The following KAZN variants were observed in gnomAD, a reference collection of about 807,000 sequenced individuals.
KAZN encodes the protein kazrin, periplakin interacting protein.
Under a neutral mutation model 87.4 loss-of-function variants are expected in KAZN, and 40 were observed. That is an observed-to-expected ratio of 0.46 (90% CI 0.36 to 0.60). The LOEUF is 0.60. Among genes scored for constraint, KAZN ranks in the 20% least tolerant of loss-of-function variants. KAZN has a pLI of 0.00. For missense variants in KAZN, 898 were observed against 1,073.9 expected, an observed-to-expected ratio of 0.84 and a Z score of 2.29; for synonymous variants, 466 against 458.3, an observed-to-expected ratio of 1.02 and a Z score of -0.22.
chr1:14,013,643 T>G (rs897444148), intron 1 of KAZN, among the ~76,000 whole-genome samples: 2 of 152,200 alleles, frequency 1.3e-5, no homozygotes, highest in Non-Finnish European at 2.9e-5. Flanking sequence ...AATATGGGAC[T>G]TTAGTACCAG....
At chr1:14,514,384 AT>A (rs1270149402) in intron 2 of KAZN, among the ~76,000 whole-genome samples, 1 of 22,016 alleles carries the variant, frequency 4.5e-5, no homozygotes, top group African/African-American at 1.8e-4. Flanking sequence ...TAATATATAT[AT>A]ATTATATATA....
intron 2 of KAZN, among the ~76,000 whole-genome samples, chr1:14,466,482 T>TG (rs1407156718): frequency 1.3e-5 from 2 of 151,784 alleles, no homozygotes; most frequent in African/African-American, 2.4e-5. Context: ...CAACACACAC[T>TG]GGGGCCTCTC....
intron 2 of KAZN, among the ~76,000 whole-genome samples, chr1:14,523,888 G>T (rs1321847986): frequency 6.6e-6 from 1 of 152,250 alleles, no homozygotes; most frequent in African/African-American, 2.4e-5. Context: ...AGACACATGA[G>T]ATGGAATAAA....
chr1:14,141,428 C>CT (rs570061002), intron 1 of KAZN, among the ~76,000 whole-genome samples: 171 of 151,814 alleles, frequency 1.1e-3, no homozygotes, highest in African/African-American at 3.6e-3. Context: ...CCATAGGTTT[C>CT]TTCGGGGGGT....
chr1:14,527,538 G>C (rs1355276579), intron 2 of KAZN, among the ~76,000 whole-genome samples: 1 of 134,064 alleles, frequency 7.5e-6, no homozygotes, highest in Non-Finnish European at 1.6e-5. Flanking sequence ...AACAGAGTGA[G>C]ACTCTGTCTC....
At chr1:14,713,878 C>T (rs1642636557) in intron 1 of KAZN, among the ~76,000 whole-genome samples, 1 of 151,682 alleles carries the variant, frequency 6.6e-6, no homozygotes, top group Non-Finnish European at 1.5e-5. Context: ...ATCGCTTGAG[C>T]CCAGGAGATG....
At chr1:15,048,781 T>TCCTGGGTCGTC (rs1673942965) in intron 4 of KAZN, among the ~76,000 whole-genome samples, 1 of 141,608 alleles carries the variant, frequency 7.1e-6, no homozygotes, top group Non-Finnish European at 1.5e-5. Context: ...CCTGGGTCGT[T>TCCTGGGTCGTC]GATCCTTGGT....
chr1:15,094,427 T>G lies in KAZN; in HGVS notation c.1428+42T>G. On this transcript the variant is annotated intron_variant, in intron 9 of 14. Transcript: ENST00000376030. This position sits in a 1 kb window ranked among gnomAD's most constrained non-coding sequence, Gnocchi z 4.5. ...CCCCTATGGGATGCCACCCATGCCCTCTGTGAGCTTTACGTACCCAGAAGC... is the reference window on the plus strand; with the variant it reads ...CCCCTATGGGATGCCACCCATGCCCGCTGTGAGCTTTACGTACCCAGAAGC... 2 of 1,554,296 alleles carry G rather than the reference T, an allele frequency of 1.3e-6. No homozygotes were observed. The highest frequency in any genetic ancestry group is 1.8e-6 in the Non-Finnish European group (2 of 1,141,208).
intron 2 of KAZN, among the ~76,000 whole-genome samples, chr1:14,964,198 C>A (rs1244355326): frequency 6.6e-6 from 1 of 152,144 alleles, no homozygotes; most frequent in Admixed American, 6.5e-5. Context: ...AGCTTGGATA[C>A]ATTCTTTAAC....
rs116726086 is a variant in KAZN at position 14,224,180 on chromosome 1, C to T, written c.249+43588C>T. On this transcript the variant is annotated intron_variant, in intron 2 of 16. Transcript: ENST00000636203. ...TTTATGTGAAAGTCAGTAGTTATTT[C>T]GGTGTAATGCCCAGGATGCACATGA... Among the ~76,000 whole-genome samples, 901 of 152,156 alleles carry T rather than the reference C, an allele frequency of 5.9e-3. 9 individuals carry two copies. The highest frequency in any genetic ancestry group is 0.02 in the African/African-American group (847 of 41,522).
At chr1:14,133,867 T>C (rs1044982460) in intron 1 of KAZN, among the ~76,000 whole-genome samples, 3 of 152,152 alleles carry the variant, frequency 2.0e-5, no homozygotes, top group African/African-American at 7.2e-5. Context: ...AAGAAAAGCA[T>C]GAGATGACCA....
intron 2 of KAZN, among the ~76,000 whole-genome samples, chr1:14,275,400 G>A (rs1652265304): frequency 6.7e-6 from 1 of 149,994 alleles, no homozygotes; most frequent in Non-Finnish European, 1.5e-5. Context: ...AAGCCCTCCA[G>A]GTAATTCTGA....
At chr1:14,316,450 C>A (rs1407012857) in intron 2 of KAZN, among the ~76,000 whole-genome samples, 2 of 151,872 alleles carry the variant, frequency 1.3e-5, no homozygotes, top group Middle Eastern at 3.4e-3. Context: ...TGTCTTCTCC[C>A]TTTGTTACTT....
intron 1 of KAZN, among the ~76,000 whole-genome samples, chr1:13,972,719 G>A (rs1267915115): frequency 6.6e-6 from 1 of 152,194 alleles, no homozygotes; most frequent in African/African-American, 2.4e-5. Context: ...CAGACTGGCT[G>A]TATTTAAAGA....
At chr1:14,043,302 T>C (rs185218563) in intron 1 of KAZN, among the ~76,000 whole-genome samples, 16 of 152,336 alleles carry the variant, frequency 1.1e-4, no homozygotes, top group Admixed American at 1.0e-3. Flanking sequence ...CAATTATGCT[T>C]GTATATATAG....
intron 1 of KAZN, among the ~76,000 whole-genome samples, chr1:14,946,720 C>A (rs1354157080): frequency 6.6e-6 from 1 of 152,196 alleles, no homozygotes; most frequent in African/African-American, 2.4e-5. Context: ...TTATTTACAT[C>A]TGCAGGGACT....
At chr1:14,291,361 G>A (rs1222426030) in intron 2 of KAZN, among the ~76,000 whole-genome samples, 6 of 152,140 alleles carry the variant, frequency 3.9e-5, no homozygotes, top group African/African-American at 9.7e-5. Flanking sequence ...TTCCCTGGCC[G>A]CTTTGTTTAC....
chr1:14,382,032 C>G (rs913171439), intron 2 of KAZN, among the ~76,000 whole-genome samples: 3 of 152,182 alleles, frequency 2.0e-5, no homozygotes, highest in Non-Finnish European at 4.4e-5. Context: ...TATATCCCAA[C>G]TGTGAACAAT....
In KAZN at chr1:15,115,307, C is replaced by T. The variant is rs1428810624; in HGVS notation, c.*672C>T. The stretch of plus-strand genomic sequence containing the variant: ...GCCGATCCACCCAGGAGTGGCTACG[C>T]TGAGTGGGGAGCCGGTGAATGATCC... On this transcript the variant is annotated 3_prime_UTR_variant, in exon 15 of 15. Transcript: ENST00000376030. This position sits in a 1 kb window ranked among gnomAD's most constrained non-coding sequence, Gnocchi z 4.1. 1 of 152,250 alleles carries T rather than the reference C, an allele frequency of 6.6e-6. No homozygotes were observed. Among genetic ancestry groups the T allele is most frequent in the Non-Finnish European group, 1.5e-5 (1 of 68,084 alleles). The allele number at this position is 152,250 out of a possible 1,614,324, so 9.4% of individuals were successfully genotyped here.
Sources: allele counts gnomAD v4.1 joint callset (sites outside exome capture counted in the v4.1 genomes callset), GRCh38; gene constraint gnomAD v4.1.1; non-coding constraint Gnocchi (gnomAD v3.1); transcripts MANE v1.5; gene names NCBI Gene and HGNC (gene_info 2026-07-23, HGNC 2026-07-21).